NBEA: variants seen among roughly 807,000 people sequenced by gnomAD.
NBEA encodes neurobeachin, also known as lysosomal-trafficking regulator 2.
A neutral mutation model predicts 343.4 loss-of-function variants in NBEA; 44 were observed. The ratio of observed to expected loss-of-function variants is 0.13; its 90% confidence interval spans 0.10 to 0.16. The LOEUF is 0.16. Among genes scored for constraint, NBEA ranks in the 10% least tolerant of loss-of-function variants. The probability of loss-of-function intolerance (pLI) is 1.00; values close to 1 mark genes in which losing one functional copy is unlikely to be tolerated. For missense variants in NBEA, 2,555 were observed against 3,631.3 expected, an observed-to-expected ratio of 0.70 and a Z score of 7.62; for synonymous variants, 1,175 against 1,238.7, an observed-to-expected ratio of 0.95 and a Z score of 1.08.
chr13:35,277,648 A>G lies in NBEA; in HGVS notation c.5777-12741A>G, dbSNP rs1160388018. 1.7e-3 allele frequency among the ~76,000 whole-genome samples: 219 copies of G among 128,772 alleles called. 2 individuals are homozygous for G. Among genetic ancestry groups the G allele is most frequent in the South Asian group, 3.3e-3 (12 of 3,664 alleles). The allele number at this position is 128,772 out of a possible 152,430, so 84.5% of individuals were successfully genotyped here. On this transcript the variant is annotated intron_variant, in intron 34 of 58. Transcript: ENST00000379939. ...AAAAAAAAAAAAAAAAAAAAAAAAA[A>G]GTGGGGGAAACAACATATGTATGCA...
intron 1 of NBEA, among the ~76,000 whole-genome samples, chr13:35,016,210 A>C (rs1256708238): frequency 6.6e-6 from 1 of 151,940 alleles, no homozygotes; most frequent in Non-Finnish European, 1.5e-5. Context: ...ATATTCTATA[A>C]TTTTTTTGCC....
At chr13:35,272,793 A>C (rs966938603) in intron 34 of NBEA, among the ~76,000 whole-genome samples, 5 of 152,224 alleles carry the variant, frequency 3.3e-5, no homozygotes, top group African/African-American at 7.2e-5. Flanking sequence ...GATCAATTCA[A>C]CAAGAGCTAA....
intron 35 of NBEA, among the ~76,000 whole-genome samples, chr13:35,306,532 T>G (rs562939968): frequency 1.3e-5 from 2 of 152,170 alleles, no homozygotes; most frequent in Non-Finnish European, 2.9e-5. Flanking sequence ...ATTACTACAT[T>G]TTTTTGGTGT....
At chr13:35,374,150 A>G (rs545637899) in intron 38 of NBEA, among the ~76,000 whole-genome samples, 1 of 152,166 alleles carries the variant, frequency 6.6e-6, no homozygotes, top group Non-Finnish European at 1.5e-5. Flanking sequence ...ACTTTTTTTC[A>G]CTGGAACAGT....
intron 1 of NBEA, among the ~76,000 whole-genome samples, chr13:35,010,739 AAAATATATATATAT>A (rs2061461358): frequency 2.9e-5 from 1 of 34,174 alleles, no homozygotes; most frequent in African/African-American, 9.9e-5. Context: ...AAAAAAAAAA[AAAATATATATATAT>A]ATATATATAT....
intron 1 of NBEA, among the ~76,000 whole-genome samples, chr13:34,969,461 T>C (rs1295659323): frequency 6.6e-6 from 1 of 152,044 alleles, no homozygotes; most frequent in Non-Finnish European, 1.5e-5. Flanking sequence ...TTTACATAGG[T>C]AAATATGTGT....
chr13:35,665,049 G>T, intron 55 of NBEA, 36 bp from the exon 56 acceptor site: 23 of 1,395,866 alleles, frequency 1.6e-5, no homozygotes, highest in Non-Finnish European at 2.3e-5. Flanking sequence ...CCCTGCTATT[G>T]GTCTGTAGTG....
At chr13:35,506,144 C>T (rs561948315) in intron 41 of NBEA, among the ~76,000 whole-genome samples, 2 of 152,138 alleles carry the variant, frequency 1.3e-5, no homozygotes, top group Admixed American at 6.5e-5. Context: ...CTTACTGCAG[C>T]CTTAAACTCC....
chr13:35,086,628 G>C (rs546646034), intron 10 of NBEA, among the ~76,000 whole-genome samples: 1 of 151,882 alleles, frequency 6.6e-6, no homozygotes, highest in Admixed American at 6.6e-5. Flanking sequence ...ATGTGAGTGC[G>C]TGTATCACTT....
At chr13:35,275,386 A>G (rs1322882332) in intron 34 of NBEA, among the ~76,000 whole-genome samples, 1 of 152,194 alleles carries the variant, frequency 6.6e-6, no homozygotes, top group East Asian at 1.9e-4. Context: ...TGTAAGACCT[A>G]ACACCATAAA....
chr13:34,998,446 A>G (rs547348758), intron 1 of NBEA, among the ~76,000 whole-genome samples: 1 of 152,304 alleles, frequency 6.6e-6, no homozygotes, highest in Non-Finnish European at 1.5e-5. Context: ...CCTCATCCTA[A>G]TAAGCCTGGG....
At chr13:35,331,621 T>G (rs528055251) in intron 36 of NBEA, among the ~76,000 whole-genome samples, 2 of 152,180 alleles carry the variant, frequency 1.3e-5, no homozygotes, top group African/African-American at 4.8e-5. Flanking sequence ...GTCAAAGACA[T>G]GCATTTAAAA....
At chr13:35,080,057 C>G (rs1390248600) in intron 10 of NBEA, among the ~76,000 whole-genome samples, 1 of 152,096 alleles carries the variant, frequency 6.6e-6, no homozygotes, top group Non-Finnish European at 1.5e-5. Context: ...TTGTTTCTTT[C>G]TGCACTGTGT....
intron 41 of NBEA, among the ~76,000 whole-genome samples, chr13:35,491,626 TTCCA>T (rs1209928989): frequency 1.3e-5 from 2 of 151,884 alleles, no homozygotes. Flanking sequence ...ACTTTACAGC[TTCCA>T]TCCTTGCAAG....
intron 34 of NBEA, among the ~76,000 whole-genome samples, chr13:35,257,465 T>G (rs2032743594): frequency 6.6e-6 from 1 of 152,168 alleles, no homozygotes; most frequent in Admixed American, 6.5e-5. Context: ...TTGCATTAAT[T>G]AAGAGCAGCA....
chr13:35,501,341 GTC>G (rs1477105549), intron 41 of NBEA, among the ~76,000 whole-genome samples: 3 of 152,248 alleles, frequency 2.0e-5, no homozygotes, highest in South Asian at 2.1e-4. Context: ...GTTTAGTGGA[GTC>G]TCTATTGTGA....
chr13:35,057,211 A>T (rs1490378770), intron 7 of NBEA, among the ~76,000 whole-genome samples: 1 of 152,094 alleles, frequency 6.6e-6, no homozygotes, highest in Non-Finnish European at 1.5e-5. Context: ...TTCATTTCTC[A>T]GTTTTGTTTG....
chr13:35,036,319 A>T (rs1211970133), intron 1 of NBEA, among the ~76,000 whole-genome samples: 1 of 152,016 alleles, frequency 6.6e-6, no homozygotes, highest in Non-Finnish European at 1.5e-5. Flanking sequence ...TTGCTTTTTA[A>T]CTTTTTGTCT....
chr13:35,647,667 AG>A (rs2084300385), intron 51 of NBEA, among the ~76,000 whole-genome samples: 1 of 152,082 alleles, frequency 6.6e-6, no homozygotes, highest in Non-Finnish European at 1.5e-5. Flanking sequence ...CCCTGGTTCA[AG>A]CAATTCTCCT....
Sources: gnomAD v4.1 joint callset for allele counts (sites outside exome capture counted in the v4.1 genomes callset) on GRCh38, gnomAD v4.1.1 for gene constraint, MANE v1.5 for transcripts, NCBI Gene and HGNC (gene_info 2026-07-23, HGNC 2026-07-21) for gene names.